Variants in LARP1B observed in about 807,000 individuals in gnomAD.
The protein encoded by LARP1B is la-related protein 1B.
Under a neutral mutation model 114.2 loss-of-function variants are expected in LARP1B, and 76 were observed. The ratio of observed to expected loss-of-function variants is 0.67; its 90% CI spans 0.55 to 0.81. The LOEUF (loss-of-function observed/expected upper bound fraction) is 0.81. Among genes scored for constraint, LARP1B ranks in the 30% least tolerant of loss-of-function variants. LARP1B has a pLI of 0.00. For synonymous variants in LARP1B, 345 were observed against 348.0 expected (o/e 0.99, Z 0.10); for missense variants, 1,014 against 1,075.8 (o/e 0.94, Z 0.80).
rs1459303040 is a variant in LARP1B, at chr4:128,199,611, G to A, written c.2164+12G>A. 1.4e-6 allele frequency: 2 copies of A among 1,425,596 alleles called. No individual in the cohort carries two copies. Among genetic ancestry groups the A allele is most frequent in the East Asian group, 4.9e-5 (2 of 40,430 alleles). The allele number at this position is 1,425,596 out of a possible 1,614,324, so 88.3% of individuals were successfully genotyped here. On this transcript the variant is annotated intron_variant, in intron 16 of 19. Transcript: ENST00000326639. ...AAGATGCCTAAGTGGTAAGATGCTT[G>A]TCCTTTATCTATCTAATATATTTAA...
chr4:128,118,786 A>AT (rs1322395752), intron 10 of LARP1B, among the ~76,000 whole-genome samples: 1 of 150,114 alleles, frequency 6.7e-6, no homozygotes, highest in Non-Finnish European at 1.5e-5. Context: ...TTGATAGTTC[A>AT]TATTAATATT....
At chr4:128,068,071 G>A (rs1428948721) in intron 1 of LARP1B, among the ~76,000 whole-genome samples, 4 of 151,972 alleles carry the variant, frequency 2.6e-5, no homozygotes, top group African/African-American at 7.3e-5. Context: ...TAGTAGAGAC[G>A]GGGTTTCACC....
At chr4:128,200,395 A>C in intron 16 of LARP1B, 126 bp from the exon 17 acceptor site, 1 of 626,480 alleles carries the variant, frequency 1.6e-6, no homozygotes, top group East Asian at 3.2e-5. Flanking sequence ...CACTCTATTT[A>C]GAAGAAACCT....
At chr4:128,146,043 G>C (rs530169536) in intron 11 of LARP1B, among the ~76,000 whole-genome samples, 113 of 152,304 alleles carry the variant, frequency 7.4e-4, no homozygotes, top group Admixed American at 2.6e-3. Context: ...AAAGTTGATT[G>C]TTTATGTATC....
At chr4:128,082,796 ATT>A (rs1313920411) in intron 5 of LARP1B, among the ~76,000 whole-genome samples, 1 of 103,978 alleles carries the variant, frequency 9.6e-6, no homozygotes, top group African/African-American at 3.7e-5. Flanking sequence ...AAAATATATC[ATT>A]TTCTTCTTTT....
intron 5 of LARP1B, among the ~76,000 whole-genome samples, chr4:128,087,353 A>C (rs1774023246): frequency 6.6e-6 from 1 of 152,222 alleles, no homozygotes; most frequent in Admixed American, 6.5e-5. Context: ...GTGAATGGAT[A>C]AGAAGGCCTA....
intron 11 of LARP1B, among the ~76,000 whole-genome samples, chr4:128,156,634 T>C (rs1047280158): frequency 1.3e-5 from 2 of 151,338 alleles, no homozygotes; most frequent in Non-Finnish European, 2.9e-5. Context: ...CCAGCCCCAC[T>C]GCCAGCAGCA....
At chr4:128,104,257 C>T (rs1001377042) in intron 8 of LARP1B, among the ~76,000 whole-genome samples, 1 of 152,120 alleles carries the variant, frequency 6.6e-6, no homozygotes, top group African/African-American at 2.4e-5. Context: ...ACTGCTTTCC[C>T]TTTTAAGAGG....
At chr4:128,146,057 A>G (rs1730204856) in intron 11 of LARP1B, among the ~76,000 whole-genome samples, 1 of 152,218 alleles carries the variant, frequency 6.6e-6, no homozygotes. Flanking sequence ...ATGTATCCTA[A>G]GAAGCATCAG....
chr4:128,089,784 TATTC>T (rs1775172468), intron 5 of LARP1B, among the ~76,000 whole-genome samples: 1 of 151,926 alleles, frequency 6.6e-6, no homozygotes, highest in African/African-American at 2.4e-5. Context: ...CTTTTTTTTT[TATTC>T]TGAGACGGAG....
rs368882341 is a variant in LARP1B at position 128,111,481 on chromosome 4, T to A, written c.989-3089T>A. On this transcript the variant is annotated intron_variant, in intron 9 of 19. Coordinates refer to ENST00000326639, the MANE Select transcript of LARP1B (RefSeq NM_018078.4). ...TTAGAGATTGAGGTGAGAGGATTGC[T>A]TGAGGCCAGGAGTTCAAGGCCAGCC... Among the ~76,000 whole-genome samples the A allele has an allele frequency of 2.6e-5, 4 of 152,252 alleles. No homozygotes were observed. In the East Asian group the frequency reaches 7.7e-4, roughly 29 times the overall value.
chr4:128,132,267 CAG>C (rs2150116702), intron 11 of LARP1B, among the ~76,000 whole-genome samples: 1 of 152,158 alleles, frequency 6.6e-6, no homozygotes, highest in East Asian at 1.9e-4. Flanking sequence ...TGTTTTGAGA[CAG>C]AGTCTTACTC....
Position 128,137,371 on chromosome 4 carries a change from A to G in LARP1B, c.1524+15183A>G, listed in dbSNP as rs187011154. 9.9e-4 allele frequency among the ~76,000 whole-genome samples: 151 copies of G among 152,258 alleles called. 1 individual carries two copies. Among genetic ancestry groups the G allele is most frequent in the Non-Finnish European group, 4.4e-5 (3 of 68,024 alleles). ...TCTCCAATTGTCTTCTCATTTGGGG[A>G]TTAATTCCAAAACAGCAGTTCCTAT... On this transcript the variant is annotated intron_variant, in intron 11 of 19. Coordinates refer to ENST00000326639, the MANE Select transcript of LARP1B (RefSeq NM_018078.4).
chr4:128,145,737 G>A (rs151252203), intron 11 of LARP1B, among the ~76,000 whole-genome samples: 15 of 152,274 alleles, frequency 9.9e-5, no homozygotes, highest in African/African-American at 2.6e-4. Context: ...TGGAGTGATC[G>A]TGGAGCCCAT....
intron 12 of LARP1B, among the ~76,000 whole-genome samples, chr4:128,165,631 T>C (rs1425861055): frequency 2.6e-5 from 4 of 152,130 alleles, no homozygotes; most frequent in Non-Finnish European, 5.9e-5. Flanking sequence ...CTTCAGTATC[T>C]ATATTCCTAT....
intron 11 of LARP1B, among the ~76,000 whole-genome samples, chr4:128,140,777 C>A (rs1325229664): frequency 6.6e-6 from 1 of 150,962 alleles, no homozygotes; most frequent in Non-Finnish European, 1.5e-5. Flanking sequence ...TTGAAGCTGC[C>A]ACATTGTTGT....
At chr4:128,076,468 C>G (rs560244601) in intron 3 of LARP1B, among the ~76,000 whole-genome samples, 1 of 152,058 alleles carries the variant, frequency 6.6e-6, no homozygotes, top group African/African-American at 2.4e-5. Context: ...TTTTTTCTTA[C>G]TGAGTAGTAT....
Position 128,107,307 on chromosome 4 carries a change from C to T in LARP1B, c.982C>T (p.His328Tyr). ...TGTACCAGGCCAAGCCTTTTGCTCACATACAGGTAACATCTTTTCTTCTAG... is the reference window on the plus strand; with the variant it reads ...TGTACCAGGCCAAGCCTTTTGCTCATATACAGGTAACATCTTTTCTTCTAG... ...EFVPGQAFCS[H>Y]TESAPNSPRI... is the part of the protein sequence containing the mutation. Residue 328 changes from histidine (H) to tyrosine (Y), a missense_variant, in exon 9 of 20, where the codon CAT becomes TAT. By Grantham distance (83) the His-to-Tyr change is moderately conservative (BLOSUM62 2). Transcript: ENST00000326639. 2 of 1,614,058 alleles carry T rather than the reference C, an allele frequency of 1.2e-6. No individual in the cohort carries two copies. The highest frequency in any genetic ancestry group is 1.7e-6 in the Non-Finnish European group (2 of 1,179,992).
At chr4:128,148,439 A>G (rs1001805140) in intron 11 of LARP1B, among the ~76,000 whole-genome samples, 6 of 151,814 alleles carry the variant, frequency 4.0e-5, no homozygotes, top group African/African-American at 1.2e-4. Flanking sequence ...TCTGTCTCAA[A>G]AAAAAAAAAG....
Sources: gnomAD v4.1 joint callset for allele counts (sites outside exome capture counted in the v4.1 genomes callset) on GRCh38, gnomAD v4.1.1 for gene constraint, MANE v1.5 for transcripts, NCBI Gene and HGNC (gene_info 2026-07-23, HGNC 2026-07-21) for gene names.